SIPA1L1: variants seen among roughly 807,000 people sequenced by gnomAD.
The protein encoded by SIPA1L1 is signal-induced proliferation-associated 1-like protein 1.
Under a neutral mutation model 162.7 loss-of-function variants are expected in SIPA1L1, and 26 were observed. The observed-to-expected ratio is 0.16, with a 90% CI of 0.12 to 0.22. The LOEUF is 0.22. Among genes scored for constraint, SIPA1L1 ranks in the 10% least tolerant of loss-of-function variants. SIPA1L1 has a pLI of 1.00. For missense variants in SIPA1L1, 1,874 were observed against 2,241.0 expected, an observed-to-expected ratio of 0.84 and a Z score of 3.31; for synonymous variants, 829 against 837.4, an observed-to-expected ratio of 0.99 and a Z score of 0.17.
rs150477268 is a variant in SIPA1L1, at chr14:71,685,049, G to C, written c.3105-313G>C. ...AGGTATGCCCCCGTCATGCTGTCCT[G>C]GTGGCCTTTCCTCCTCAGGTCTCAG... On this transcript the variant is annotated intron_variant, in intron 12 of 23. Coordinates refer to ENST00000381232, the MANE Select transcript of SIPA1L1 (RefSeq NM_001386936.1). Among the ~76,000 whole-genome samples, 621 of 152,274 alleles carry C rather than the reference G, an allele frequency of 4.1e-3. 2 individuals carry two copies. Among genetic ancestry groups the C allele is most frequent in the Admixed American group, 8.2e-3 (125 of 15,304 alleles).
At chr14:71,374,213 A>T (rs75636140) in intron 2 of SIPA1L1, among the ~76,000 whole-genome samples, 2,691 of 152,264 alleles carry the variant, frequency 0.018, 40 homozygotes, top group African/African-American at 0.026. Flanking sequence ...TGCAGTATTT[A>T]TCAGGAAACC....
In SIPA1L1 at chr14:71,681,306, G is replaced by A. The variant is rs557426388; in HGVS notation, c.3105-4056G>A. ...CCTCTGTGACCTCTGGGTCTTCACC[G>A]TCATTCCCGTGACAAGATGAAAAGT... On this transcript the variant is annotated intron_variant, in intron 12 of 23. Coordinates refer to ENST00000381232, the MANE Select transcript of SIPA1L1 (RefSeq NM_001386936.1). Among the ~76,000 whole-genome samples, 7 of 152,266 alleles carry A rather than the reference G, an allele frequency of 4.6e-5. No homozygotes were observed. In the South Asian group the frequency reaches 6.2e-4, roughly 14 times the overall value.
chr14:71,492,689 A>G (rs1457497902), intron 2 of SIPA1L1, among the ~76,000 whole-genome samples: 2 of 152,040 alleles, frequency 1.3e-5, no homozygotes, highest in African/African-American at 4.8e-5. Flanking sequence ...CCAGGGCACA[A>G]TTATGGTTCA....
intron 2 of SIPA1L1, among the ~76,000 whole-genome samples, chr14:71,417,396 CA>C (rs1478103446): frequency 7.7e-6 from 1 of 129,246 alleles, no homozygotes; most frequent in Admixed American, 9.1e-5. Context: ...GCGTGAACCC[CA>C]GGGGGCGGAG....
chr14:71,644,658 A>T (rs995001086), intron 7 of SIPA1L1, among the ~76,000 whole-genome samples: 2 of 152,250 alleles, frequency 1.3e-5, no homozygotes, highest in African/African-American at 4.8e-5. Flanking sequence ...AAAATATTCC[A>T]TTGATCTTAT....
chr14:71,573,844 T>G, intron 4 of SIPA1L1: 1 of 388,382 alleles, frequency 2.6e-6, no homozygotes, highest in South Asian at 1.9e-5. Flanking sequence ...TGTTTTGATT[T>G]GTATGCCTTT....
intron 2 of SIPA1L1, among the ~76,000 whole-genome samples, chr14:71,411,664 G>A (rs2042414401): frequency 6.6e-6 from 1 of 152,184 alleles, no homozygotes; most frequent in South Asian, 2.1e-4. Flanking sequence ...CTCCCGACTG[G>A]AGTCCTGCCT....
At chr14:71,422,485 C>G (rs774078657) in intron 2 of SIPA1L1, among the ~76,000 whole-genome samples, 1 of 152,136 alleles carries the variant, frequency 6.6e-6, no homozygotes, top group Admixed American at 6.5e-5. Context: ...CCCATTCCTA[C>G]CACTGCCCAG....
At chr14:71,338,609 T>C (rs2035331302) in intron 2 of SIPA1L1, among the ~76,000 whole-genome samples, 1 of 152,200 alleles carries the variant, frequency 6.6e-6, no homozygotes, top group Non-Finnish European at 1.5e-5. Context: ...ATTCTCAGCC[T>C]CCACCTTGAG....
In SIPA1L1 at chr14:71,580,538, A is replaced by G. The variant is rs560783421; in HGVS notation, c.-302-7033A>G. Among the ~76,000 whole-genome samples, 103 of 152,354 alleles carry G rather than the reference A, an allele frequency of 6.8e-4. 1 individual carries two copies. The highest frequency in any genetic ancestry group is 2.4e-3 in the African/African-American group (99 of 41,572). On this transcript the variant is annotated intron_variant, in intron 4 of 23. Transcript: ENST00000381232. ...ATATAAGCAATTGTGTTAATCATCTATGTGAAATAATTATTCAAATCCTAT... is the reference window on the plus strand; with the variant it reads ...ATATAAGCAATTGTGTTAATCATCTGTGTGAAATAATTATTCAAATCCTAT...
At chr14:71,682,695 A>C (rs1021207746) in intron 12 of SIPA1L1, among the ~76,000 whole-genome samples, 1 of 152,258 alleles carries the variant, frequency 6.6e-6, no homozygotes, top group Admixed American at 6.5e-5. Context: ...TTCATACTAA[A>C]TGTTAAGCAG....
At chr14:71,542,040 G>A (rs1394823587) in intron 4 of SIPA1L1, among the ~76,000 whole-genome samples, 1 of 152,206 alleles carries the variant, frequency 6.6e-6, no homozygotes, top group East Asian at 1.9e-4. Context: ...CAACCTGCTA[G>A]AGAATGAACT....
At chr14:71,599,199 G>A (rs1287411334) in intron 5 of SIPA1L1, among the ~76,000 whole-genome samples, 2 of 127,140 alleles carry the variant, frequency 1.6e-5, no homozygotes, top group East Asian at 2.3e-4. Context: ...CTCCCAGGCT[G>A]GAGTGCAATG....
At chr14:71,406,660 A>G (rs1233375513) in intron 2 of SIPA1L1, among the ~76,000 whole-genome samples, 2 of 152,228 alleles carry the variant, frequency 1.3e-5, no homozygotes, top group Non-Finnish European at 2.9e-5. Flanking sequence ...TTACAAAGAA[A>G]TTCTTCAGTA....
chr14:71,488,737 GAA>G lies in SIPA1L1; in HGVS notation c.-464-24005_-464-24004del, dbSNP rs1285923592. 3.9e-5 allele frequency among the ~76,000 whole-genome samples: 6 copies of G among 152,294 alleles called. No individual in the cohort carries two copies. In the East Asian group the frequency reaches 7.7e-4, roughly 20 times the overall value. ...GCTGTGAACTTGTACTTTGTGAAGA[GAA>G]GAGTACTGTGAGGAAGCTTGAAAAT... On this transcript the variant is annotated intron_variant, in intron 2 of 23. Transcript: ENST00000381232.
At chr14:71,542,447 T>G (rs577716173) in intron 4 of SIPA1L1, among the ~76,000 whole-genome samples, 271 of 151,336 alleles carry the variant, frequency 1.8e-3, no homozygotes, top group Non-Finnish European at 2.5e-3. Context: ...TGCTTCTGCT[T>G]CTTCTTCCTG....
At chr14:71,708,277 A>C (rs2082621896) in intron 16 of SIPA1L1, among the ~76,000 whole-genome samples, 1 of 149,176 alleles carries the variant, frequency 6.7e-6, no homozygotes, top group South Asian at 2.1e-4. Context: ...ATCATTTGTG[A>C]GTTTATTTTT....
chr14:71,538,502 T>A (rs1281608110), intron 4 of SIPA1L1, among the ~76,000 whole-genome samples: 1 of 152,280 alleles, frequency 6.6e-6, no homozygotes, highest in Admixed American at 6.5e-5. Context: ...GACTCCTGAG[T>A]GTGTCTCTTC....
intron 15 of SIPA1L1, chr14:71,704,835 C>A: frequency 7.9e-7 from 1 of 1,266,786 alleles, no homozygotes; most frequent in South Asian, 1.2e-5. Context: ...GCATCCATGC[C>A]TGTCTAGGTA....
Sources: gnomAD v4.1 joint callset for allele counts (sites outside exome capture counted in the v4.1 genomes callset) on GRCh38, gnomAD v4.1.1 for gene constraint, MANE v1.5 for transcripts, NCBI Gene and HGNC (gene_info 2026-07-23, HGNC 2026-07-21) for gene names.